Variants in COL5A2 observed in about 807,000 individuals in gnomAD.
The protein encoded by COL5A2 is collagen type V alpha 2 chain.
COL5A2 carries 23 observed loss-of-function variants against 208.2 expected under a neutral mutation model. That is an observed-to-expected ratio of 0.11 (90% CI 0.08 to 0.16). The LOEUF (loss-of-function observed/expected upper bound fraction) is 0.16. COL5A2 is among the 10% of genes least tolerant of loss of function. COL5A2 has a pLI of 1.00. For missense variants in COL5A2, 1,590 were observed against 1,956.4 expected (o/e 0.81, Z 3.53); for synonymous variants, 625 against 628.5 (o/e 0.99, Z 0.08).
At chr2:189,143,672 C>A (rs1687979325) in intron 1 of COL5A2, among the ~76,000 whole-genome samples, 1 of 152,098 alleles carries the variant, frequency 6.6e-6, no homozygotes, top group Non-Finnish European at 1.5e-5. Flanking sequence ...GAGCTAAGCC[C>A]ATGCATGAAA....
At chr2:189,166,274 G>T (rs74337713) in intron 1 of COL5A2, among the ~76,000 whole-genome samples, 1 of 152,040 alleles carries the variant, frequency 6.6e-6, no homozygotes, top group Non-Finnish European at 1.5e-5. Flanking sequence ...AGAGGCATAA[G>T]GTTCTACCCA....
intron 47 of COL5A2, 142 bp from the exon 48 acceptor site, chr2:189,043,400 T>TA: frequency 1.7e-6 from 1 of 580,214 alleles, no homozygotes; most frequent in Non-Finnish European, 3.0e-6. Flanking sequence ...TTTACTTATC[T>TA]AAAAATAGTA....
At chr2:189,073,252 T>G (rs1686323363) in intron 17 of COL5A2, among the ~76,000 whole-genome samples, 1 of 152,192 alleles carries the variant, frequency 6.6e-6, no homozygotes, top group Non-Finnish European at 1.5e-5. Flanking sequence ...TAATTTACCT[T>G]GTAGAGCTTG....
chr2:189,074,678 A>G (rs1686363188), intron 17 of COL5A2, among the ~76,000 whole-genome samples: 1 of 152,124 alleles, frequency 6.6e-6, no homozygotes, highest in Admixed American at 6.6e-5. Flanking sequence ...TTTATTTCCA[A>G]TTTCAGATAA....
At position 189,092,325 on chromosome 2, in the gene COL5A2, G is replaced by A. The variant is rs548352939; in HGVS notation, c.552C>T (p.Pro184=). The A allele has an allele frequency of 1.5e-4, 246 of 1,606,864 alleles. 2 individuals carry two copies. The South Asian group carries it at 2.2e-3, about 14-fold the overall frequency. ...CACAACTCACCCTGCTCAAGCCATC[G>A]GGTCCTGGGTGGGACGGATGTCCAG... ...GPPGHPSHPG[P]DGLSRPFSAQ... is the part of the protein sequence containing the mutation. Residue 184 remains proline (P), a synonymous_variant, in exon 7 of 54, where the codon CCC becomes CCT. Transcript: ENST00000374866.
At position 189,039,406 on chromosome 2, in the gene COL5A2, G is replaced by A. The variant is rs762902468; in HGVS notation, c.3791C>T (p.Thr1264Met). The A allele has an allele frequency of 5.1e-5, 82 of 1,613,834 alleles. No individual in the cohort carries two copies. The highest frequency in any genetic ancestry group is 8.9e-5 in the East Asian group (4 of 44,850). ...CAGGGTAGCATGAACCCCTGGGTCC[G>A]TTTTGTTTTTGTCATCAGGAGCCGC... ...DQAAPDDKNK[T>M]DPGVHATLKS... The change falls in exon 51 of 54, where the codon ACG becomes ATG. Residue 1264 changes from threonine to methionine, a missense_variant. Thr to Met is a moderately conservative substitution (Grantham distance 81). Coordinates refer to ENST00000374866, the MANE Select transcript of COL5A2 (RefSeq NM_000393.5).
At chr2:189,362,671 T>C in the COL5A2 span, among the ~76,000 whole-genome samples, 1 of 152,154 alleles carries the variant, frequency 6.6e-6, no homozygotes, top group Non-Finnish European at 1.5e-5. Flanking sequence ...AATAAGTTAT[T>C]GAACTTATCA....
the COL5A2 span, among the ~76,000 whole-genome samples, chr2:189,419,898 G>A: frequency 2.3e-5 from 3 of 132,758 alleles, no homozygotes; most frequent in Non-Finnish European, 4.7e-5. Flanking sequence ...GGAGAGGAGA[G>A]GAGAAGAGGA....
chr2:189,250,824 A>AGCT, the COL5A2 span, among the ~76,000 whole-genome samples: 3 of 152,158 alleles, frequency 2.0e-5, no homozygotes, highest in African/African-American at 7.2e-5. Flanking sequence ...TCCCCCATAG[A>AGCT]GCTACCATAC....
chr2:189,380,646 A>T, the COL5A2 span, among the ~76,000 whole-genome samples: 171 of 151,830 alleles, frequency 1.1e-3, no homozygotes, highest in African/African-American at 3.7e-3. Flanking sequence ...AAATATAAAA[A>T]TTTTTTTAAA....
chr2:189,142,534 G>A (rs1259953048), intron 1 of COL5A2, among the ~76,000 whole-genome samples: 2 of 152,014 alleles, frequency 1.3e-5, no homozygotes, highest in African/African-American at 2.4e-5. Context: ...TTATATTAAT[G>A]AATGTCCACT....
chr2:189,040,658 ATTT>A (rs199978925), intron 50 of COL5A2, among the ~76,000 whole-genome samples: 5 of 151,618 alleles, frequency 3.3e-5, no homozygotes, highest in Non-Finnish European at 7.4e-5. Flanking sequence ...CTGTTACATA[ATTT>A]TTTTTTCTTC....
At chr2:189,440,261 T>C in the COL5A2 span, among the ~76,000 whole-genome samples, 1 of 152,244 alleles carries the variant, frequency 6.6e-6, no homozygotes, top group South Asian at 2.1e-4. Flanking sequence ...TAATCATGTG[T>C]GGCTTAATGA....
At chr2:189,356,425 G>A in the COL5A2 span, among the ~76,000 whole-genome samples, 2 of 152,164 alleles carry the variant, frequency 1.3e-5, no homozygotes, top group Non-Finnish European at 1.5e-5. Flanking sequence ...TGGAGGCTTT[G>A]TTTGTTTCTC....
the COL5A2 span, among the ~76,000 whole-genome samples, chr2:189,267,370 G>A: frequency 6.6e-6 from 1 of 152,076 alleles, no homozygotes; most frequent in Non-Finnish European, 1.5e-5. Flanking sequence ...TGGCAAGTTG[G>A]AGGCAACCTG....
the COL5A2 span, among the ~76,000 whole-genome samples, chr2:189,423,533 CA>C: frequency 6.6e-6 from 1 of 151,370 alleles, no homozygotes; most frequent in African/African-American, 2.4e-5. Context: ...AGAAATGAAA[CA>C]AAAAATATCA....
rs144767475 is a variant in COL5A2 at position 189,038,701 on chromosome 2, C to T, written c.3925+571G>A. On this transcript the variant is annotated intron_variant, in intron 51 of 53. Transcript: ENST00000374866. The stretch of plus-strand genomic sequence containing the variant: ...AGCCTTGTCAGTATCTGTTTTGTGA[C>T]TTTTTTATTTTTTTGAGACACAGTC... Among the ~76,000 whole-genome samples the T allele has an allele frequency of 1.2e-4, 18 of 151,988 alleles. No individual in the cohort carries two copies. The East Asian group carries it at 3.1e-3, about 26-fold the overall frequency.
chr2:189,164,983 A>G (rs2105808469), intron 1 of COL5A2, among the ~76,000 whole-genome samples: 1 of 152,316 alleles, frequency 6.6e-6, no homozygotes, highest in South Asian at 2.1e-4. Context: ...ATCCCTCACA[A>G]AAATACTGCC....
chr2:189,175,544 CTTT>C (rs35381713), intron 1 of COL5A2, among the ~76,000 whole-genome samples: 2 of 125,414 alleles, frequency 1.6e-5, no homozygotes. Context: ...AAAAAGAAAA[CTTT>C]TTTTTTTTTT....
Sources: gnomAD v4.1 joint callset for allele counts (sites outside exome capture counted in the v4.1 genomes callset) on GRCh38, gnomAD v4.1.1 for gene constraint, MANE v1.5 for transcripts, NCBI Gene and HGNC (gene_info 2026-07-23, HGNC 2026-07-21) for gene names.